KCNN3: variants seen among roughly 807,000 people sequenced by gnomAD.
KCNN3 encodes small conductance calcium-activated potassium channel protein 3.
In KCNN3, 16 loss-of-function variants were observed where a neutral mutation model predicts 62.9. The ratio of observed to expected loss-of-function variants is 0.25; its 90% CI spans 0.17 to 0.39. The LOEUF (loss-of-function observed/expected upper bound fraction) is 0.39, where lower values mean the gene tolerates loss of function less well. KCNN3 is among the 10% of genes least tolerant of loss of function. The pLI, the probability that KCNN3 is intolerant of heterozygous loss-of-function variation, is 1.00. For synonymous variants in KCNN3, 370 were observed against 389.2 expected, an observed-to-expected ratio of 0.95 and a Z score of 0.58; for missense variants, 599 against 949.4, an observed-to-expected ratio of 0.63 and a Z score of 4.85.
At chr1:154,724,463 G>A (rs1198501616) in intron 5 of KCNN3, among the ~76,000 whole-genome samples, 1 of 152,156 alleles carries the variant, frequency 6.6e-6, no homozygotes, top group Non-Finnish European at 1.5e-5. Context: ...ACGGGCACAG[G>A]GTTTTAATTC....
intron 3 of KCNN3, among the ~76,000 whole-genome samples, chr1:154,742,388 T>G (rs1700839734): frequency 6.6e-6 from 1 of 152,228 alleles, no homozygotes. Flanking sequence ...ACACCTATGT[T>G]TGAATCCGGG....
At chr1:154,773,173 C>T (rs938131504) in intron 2 of KCNN3, among the ~76,000 whole-genome samples, 2 of 152,148 alleles carry the variant, frequency 1.3e-5, no homozygotes, top group Non-Finnish European at 2.9e-5. Flanking sequence ...CCACTCTCCA[C>T]CCTCAGTGTC....
At chr1:154,721,315 T>A (rs1162644227) in intron 5 of KCNN3, among the ~76,000 whole-genome samples, 2 of 150,182 alleles carry the variant, frequency 1.3e-5, no homozygotes, top group African/African-American at 2.5e-5. Flanking sequence ...TTTTTTTTTT[T>A]TTGAGATGGA....
At chr1:154,822,373 T>C (rs1420642423) in intron 1 of KCNN3, among the ~76,000 whole-genome samples, 189 bp from the exon 2 acceptor site, 1 of 152,226 alleles carries the variant, frequency 6.6e-6, no homozygotes, top group Non-Finnish European at 1.5e-5. Flanking sequence ...GGGCCGGCTC[T>C]GTCTCAGCAG....
chr1:154,723,229 C>G (rs1700395799), intron 5 of KCNN3, among the ~76,000 whole-genome samples: 1 of 152,202 alleles, frequency 6.6e-6, no homozygotes, highest in Non-Finnish European at 1.5e-5. Flanking sequence ...AAAGAACCTT[C>G]AGAAGTTCTA....
At position 154,813,326 on chromosome 1, in the gene KCNN3, C is replaced by T. The variant is rs2101886145; in HGVS notation, c.1029+8763G>A. 2.6e-5 allele frequency among the ~76,000 whole-genome samples: 4 copies of T among 152,084 alleles called. No individual in the cohort carries two copies. The Middle Eastern group carries it at 0.014, about 521-fold the overall frequency. On this transcript the variant is annotated intron_variant, in intron 2 of 7. Transcript: ENST00000271915. ...CTTCCTGAGAAGCGTGTCCACGGCC[C>T]CCTCACTTCACATGGCCTAGGGCGA...
chr1:154,725,045 C>G (rs954639089), intron 5 of KCNN3, among the ~76,000 whole-genome samples: 1 of 151,858 alleles, frequency 6.6e-6, no homozygotes, highest in Non-Finnish European at 1.5e-5. Flanking sequence ...TTAGTAGAGA[C>G]GGGGTTTCAC....
At chr1:154,803,771 A>T (rs930905129) in intron 2 of KCNN3, among the ~76,000 whole-genome samples, 1 of 152,180 alleles carries the variant, frequency 6.6e-6, no homozygotes, top group Non-Finnish European at 1.5e-5. Context: ...GCAAGCTGTT[A>T]ATCTGAGCGA....
intron 1 of KCNN3, among the ~76,000 whole-genome samples, chr1:154,865,400 C>T (rs181271767): frequency 1.3e-5 from 2 of 152,152 alleles, no homozygotes; most frequent in East Asian, 3.9e-4. Context: ...CACCTGGTAC[C>T]TTTAGGAGCC....
Position 154,870,038 on chromosome 1 carries a change from A to G in KCNN3, c.-74T>C, listed in dbSNP as rs765250736. 9.1e-6 allele frequency: 14 copies of G among 1,531,262 alleles called. No individual in the cohort carries two copies. In the South Asian group the frequency reaches 1.2e-4, roughly 13 times the overall value. The allele number at this position is 1,531,262 out of a possible 1,614,324, so 94.9% of individuals were successfully genotyped here. ...CACCCTCGCTCCAAAGATGTCCTCA[A>G]AGAAAGCCAGGCATCCAATCTCCCC... On this transcript the variant is annotated 5_prime_UTR_variant, in exon 1 of 8. Transcript: ENST00000271915.
chr1:154,765,276 A>C lies in KCNN3; in HGVS notation c.1448+6699T>G, dbSNP rs1014846566. 4.5e-5 allele frequency among the ~76,000 whole-genome samples: 5 copies of C among 111,150 alleles called. No individual in the cohort carries two copies. In the South Asian group the frequency reaches 1.8e-3, roughly 40 times the overall value. The allele number at this position is 111,150 out of a possible 152,430, so 72.9% of individuals were successfully genotyped here. On this transcript the variant is annotated intron_variant, in intron 3 of 7. Transcript: ENST00000271915. ...AATGTTTACTGTGCGTATATTTCTG[A>C]TTATGCTTTTATCCAAATTTATCAT... is the stretch of plus-strand genomic sequence containing the variant.
At chr1:154,829,838 C>G (rs943787630) in intron 1 of KCNN3, among the ~76,000 whole-genome samples, 14 of 152,180 alleles carry the variant, frequency 9.2e-5, no homozygotes, top group African/African-American at 2.9e-4. Flanking sequence ...GGGCCCCACA[C>G]CCTTCCCGAG....
At chr1:154,749,943 C>T (rs1245902024) in intron 3 of KCNN3, among the ~76,000 whole-genome samples, 1 of 152,200 alleles carries the variant, frequency 6.6e-6, no homozygotes, top group East Asian at 1.9e-4. Flanking sequence ...TAGGCCTGGG[C>T]TACGCAGAAA....
intron 3 of KCNN3, among the ~76,000 whole-genome samples, chr1:154,765,035 T>C (rs1211324735): frequency 6.6e-6 from 1 of 152,210 alleles, no homozygotes; most frequent in African/African-American, 2.4e-5. Context: ...TTAGGGTTCC[T>C]GAGGGAGAGT....
rs567716871 is a variant in KCNN3, at chr1:154,860,059, C to T, written c.933+8973G>A. Among the ~76,000 whole-genome samples the T allele has an allele frequency of 3.9e-5, 6 of 152,306 alleles. No homozygotes were observed. The South Asian group carries it at 1.0e-3, about 26-fold the overall frequency. Reference sequence around the variant, plus strand: ...TTCCACAAAGGGCAAGCCCTGGGCACGTCCCTCCCCTGCCCAGCTGCTCTT... The same window carrying T: ...TTCCACAAAGGGCAAGCCCTGGGCATGTCCCTCCCCTGCCCAGCTGCTCTT... On this transcript the variant is annotated intron_variant, in intron 1 of 7. Coordinates refer to ENST00000271915, the MANE Select transcript of KCNN3 (RefSeq NM_002249.6).
At chr1:154,779,143 A>T (rs1451360365) in intron 2 of KCNN3, among the ~76,000 whole-genome samples, 1 of 152,180 alleles carries the variant, frequency 6.6e-6, no homozygotes, top group Non-Finnish European at 1.5e-5. Context: ...TGAGACCAGC[A>T]GAAGAACCAC....
At chr1:154,858,383 A>G (rs180780253) in intron 1 of KCNN3, among the ~76,000 whole-genome samples, 52 of 152,314 alleles carry the variant, frequency 3.4e-4, no homozygotes, top group African/African-American at 1.2e-3. Flanking sequence ...TCCACCCACA[A>G]GAGGAATTAA....
At chr1:154,754,535 CAT>C (rs1466906263) in intron 3 of KCNN3, among the ~76,000 whole-genome samples, 6 of 152,208 alleles carry the variant, frequency 3.9e-5, no homozygotes, top group Non-Finnish European at 7.3e-5. Flanking sequence ...ATGAAAGTGA[CAT>C]GTGTTACTTC....
chr1:154,789,181 G>A (rs1226135945), intron 2 of KCNN3, among the ~76,000 whole-genome samples: 1 of 152,166 alleles, frequency 6.6e-6, no homozygotes, highest in African/African-American at 2.4e-5. Context: ...TCCCTGCCTC[G>A]TAGCCTCTTC....
Sources: gnomAD v4.1 joint callset for allele counts (sites outside exome capture counted in the v4.1 genomes callset) on GRCh38, gnomAD v4.1.1 for gene constraint, MANE v1.5 for transcripts, NCBI Gene and HGNC (gene_info 2026-07-23, HGNC 2026-07-21) for gene names.